KMT2C: variants seen among roughly 807,000 people sequenced by gnomAD.
KMT2C encodes the protein histone-lysine N-methyltransferase 2C.
In KMT2C, 88 loss-of-function variants were observed where a neutral mutation model predicts 507.9. That is an observed-to-expected ratio of 0.17 (90% CI 0.15 to 0.21). The LOEUF is 0.21. Among genes scored for constraint, KMT2C ranks in the 10% least tolerant of loss-of-function variants. The probability of loss-of-function intolerance (pLI) is 1.00; values close to 1 mark genes in which losing one functional copy is unlikely to be tolerated. For synonymous variants in KMT2C, 2,049 were observed against 2,080.8 expected (o/e 0.98, Z 0.42); for missense variants, 4,954 against 5,957.8 (o/e 0.83, Z 5.55).
chr7:152,389,511 G>A (rs1281874784), intron 1 of KMT2C, among the ~76,000 whole-genome samples: 6 of 151,696 alleles, frequency 4.0e-5, no homozygotes, highest in Non-Finnish European at 7.4e-5. Flanking sequence ...GTGGAGTGCA[G>A]TGGCACAATC....
At position 152,435,886 on chromosome 7, in the gene KMT2C, C is replaced by T; in HGVS notation, c.-100G>A. 3 of 1,275,930 alleles carry T rather than the reference C, an allele frequency of 2.4e-6. No homozygotes were observed. Among genetic ancestry groups the T allele is most frequent in the Non-Finnish European group, 3.1e-6 (3 of 968,680 alleles). The allele number at this position is 1,275,930 out of a possible 1,614,324, so 79.0% of individuals were successfully genotyped here. On this transcript the variant is annotated 5_prime_UTR_variant, in exon 1 of 59. Coordinates refer to ENST00000262189, the MANE Select transcript of KMT2C (RefSeq NM_170606.3). ...GCCGCTGCTGCTCGGGTTCCTCCTCCCCGGCTCAGCCTCTCGCATTTCCCG... is the reference window on the plus strand; with the variant it reads ...GCCGCTGCTGCTCGGGTTCCTCCTCTCCGGCTCAGCCTCTCGCATTTCCCG...
chr7:152,346,899 G>A (rs1490821634), intron 2 of KMT2C, among the ~76,000 whole-genome samples: 1 of 152,098 alleles, frequency 6.6e-6, no homozygotes, highest in Non-Finnish European at 1.5e-5. Flanking sequence ...GGCCGAGGCG[G>A]GCGGATCAGG....
chr7:152,149,215 G>T (rs1400890746), intron 51 of KMT2C, 63 bp from the exon 52 acceptor site: 1 of 1,424,778 alleles, frequency 7.0e-7, no homozygotes, highest in Non-Finnish European at 9.2e-7. Flanking sequence ...AGCAATTCTT[G>T]TTAAGACAAG....
At chr7:152,289,494 A>G (rs570146787) in intron 6 of KMT2C, among the ~76,000 whole-genome samples, 10 of 152,364 alleles carry the variant, frequency 6.6e-5, no homozygotes, top group Admixed American at 5.9e-4. Context: ...TGTGATTTAT[A>G]AACTGAAATA....
At chr7:152,367,556 C>T in intron 1 of KMT2C, 1 of 1,244,762 alleles carries the variant, frequency 8.0e-7, no homozygotes, top group Non-Finnish European at 1.2e-6. Flanking sequence ...TTAATCAACT[C>T]ATTATTCCTT....
intron 1 of KMT2C, among the ~76,000 whole-genome samples, chr7:152,390,761 C>G (rs140157240): frequency 7.0e-4 from 106 of 152,116 alleles, no homozygotes; most frequent in African/African-American, 2.5e-3. Flanking sequence ...GTGTGTTTAA[C>G]AAATATTAGA....
intron 6 of KMT2C, among the ~76,000 whole-genome samples, chr7:152,307,869 A>G (rs2096635041): frequency 2.0e-5 from 3 of 152,228 alleles, no homozygotes; most frequent in African/African-American, 7.2e-5. Flanking sequence ...CTACGAGTTT[A>G]TATTGATTCC....
At chr7:152,210,273 CA>C (rs2094424087) in intron 23 of KMT2C, among the ~76,000 whole-genome samples, 1 of 152,162 alleles carries the variant, frequency 6.6e-6, no homozygotes, top group Non-Finnish European at 1.5e-5. Flanking sequence ...ATGGTCAGCA[CA>C]AATCACCCCA....
chr7:152,270,743 A>G (rs2095949128), intron 7 of KMT2C, among the ~76,000 whole-genome samples: 1 of 152,198 alleles, frequency 6.6e-6, no homozygotes. Context: ...TTTTTAGGGT[A>G]AAATTTCCAG....
intron 37 of KMT2C, among the ~76,000 whole-genome samples, chr7:152,179,361 C>T (rs1587975776): frequency 1.3e-5 from 2 of 152,312 alleles, no homozygotes; most frequent in East Asian, 1.9e-4. Context: ...CTCATCACAT[C>T]GTAGGAGGCT....
chr7:152,162,449 C>T lies in KMT2C; in HGVS notation c.11128G>A (p.Glu3710Lys), dbSNP rs145646770. ...ANSEVDKLSM[E>K]TPAKTEEIKL... ...ATCTCTTCTGTTTTGGCAGGGGTTT[C>T]CATGGAGAGCTTGTCTACTTCTGAA... Residue 3710 changes from glutamate (E) to lysine (K), a missense_variant, in exon 43 of 59, where the codon GAA becomes AAA. Coordinates refer to ENST00000262189, the MANE Select transcript of KMT2C (RefSeq NM_170606.3). 7 of 1,614,138 alleles carry T rather than the reference C, an allele frequency of 4.3e-6. No individual in the cohort carries two copies. The African/African-American group carries it at 6.7e-5, about 15-fold the overall frequency.
intron 1 of KMT2C, among the ~76,000 whole-genome samples, chr7:152,393,452 GACAA>G (rs1393841660): frequency 3.9e-5 from 6 of 152,052 alleles, no homozygotes; most frequent in South Asian, 2.1e-4. Flanking sequence ...AATGGGCAAT[GACAA>G]ACAGACTATT....
chr7:152,331,483 C>T (rs2096882183), intron 2 of KMT2C, among the ~76,000 whole-genome samples: 1 of 151,560 alleles, frequency 6.6e-6, no homozygotes, highest in Non-Finnish European at 1.5e-5. Context: ...GTGGCACACA[C>T]CTGTAGTCCT....
In KMT2C at chr7:152,162,460, T is replaced by C; in HGVS notation, c.11117A>G (p.Lys3706Arg). The C allele has an allele frequency of 6.2e-7, 1 of 1,614,268 alleles. No individual in the cohort carries two copies. The highest frequency in any genetic ancestry group is 1.3e-5 in the African/African-American group (1 of 75,068). ...TTTGGCAGGGGTTTCCATGGAGAGC[T>C]TGTCTACTTCTGAATTTGCATACGT... ...QQTYANSEVD[K>R]LSMETPAKTE... The change falls in exon 43 of 59, where the codon AAG becomes AGG. Residue 3706 changes from lysine (K) to arginine (R), a missense_variant. Physicochemically the swap from Lys to Arg is conservative, Grantham distance 26 (BLOSUM62 2). Transcript: ENST00000262189.
At chr7:152,313,602 T>G (rs1247937040) in intron 4 of KMT2C, among the ~76,000 whole-genome samples, 2 of 152,128 alleles carry the variant, frequency 1.3e-5, no homozygotes, top group Non-Finnish European at 2.9e-5. Context: ...AAAGACATTT[T>G]CAAAACCTTT....
rs1587736148 is a variant in KMT2C at position 152,154,503 on chromosome 7, G to A, written c.11961-58C>T. 4 of 1,460,464 alleles carry A rather than the reference G, an allele frequency of 2.7e-6. No homozygotes were observed. In the East Asian group the frequency reaches 6.8e-5, roughly 25 times the overall value. 90.5% of individuals were successfully genotyped at this position (1,460,464 alleles called of 1,614,324 possible). On this transcript the variant is annotated intron_variant, in intron 46 of 58. Transcript: ENST00000262189. ...GCAAATCCACCACTGGGGGCTTCCT[G>A]TACCAACCCTGCTGACATCTGTGAA...
chr7:152,171,784 CTAAT>C (rs2092973222), intron 39 of KMT2C, among the ~76,000 whole-genome samples: 1 of 152,192 alleles, frequency 6.6e-6, no homozygotes, highest in African/African-American at 2.4e-5. Flanking sequence ...GTGTTAAAAA[CTAAT>C]TGAGAGCTTA....
At chr7:152,257,884 C>CACACAA (rs1554586059) in intron 9 of KMT2C, among the ~76,000 whole-genome samples, 11 of 146,744 alleles carry the variant, frequency 7.5e-5, no homozygotes, top group African/African-American at 2.9e-4. Context: ...CACACACACA[C>CACACAA]AAAAAAAACA....
intron 1 of KMT2C, among the ~76,000 whole-genome samples, chr7:152,377,771 A>G (rs2097340846): frequency 6.6e-6 from 1 of 151,786 alleles, no homozygotes; most frequent in Non-Finnish European, 1.5e-5. Context: ...CCTGTAGTAG[A>G]TTTGGGCAAA....
Sources: gnomAD v4.1 joint callset for allele counts (sites outside exome capture counted in the v4.1 genomes callset) on GRCh38, gnomAD v4.1.1 for gene constraint, MANE v1.5 for transcripts, NCBI Gene and HGNC (gene_info 2026-07-23, HGNC 2026-07-21) for gene names.